The following CALN1 variants were observed in gnomAD, a reference collection of about 807,000 sequenced individuals.
CALN1 encodes the protein calcium-binding protein 8.
In CALN1, 17 loss-of-function variants were observed where a neutral mutation model predicts 30.6. The observed-to-expected ratio is 0.56, with a 90% CI of 0.38 to 0.83. The LOEUF (loss-of-function observed/expected upper bound fraction) is 0.83. CALN1 is among the 40% of genes least tolerant of loss of function. The pLI is 0.00. For missense variants in CALN1, 291 were observed against 354.9 expected (o/e 0.82, Z 1.45); for synonymous variants, 156 against 131.4 (o/e 1.19, Z -1.28).
At chr7:72,042,658 G>A (rs191004429) in intron 4 of CALN1, among the ~76,000 whole-genome samples, 62 of 152,192 alleles carry the variant, frequency 4.1e-4, no homozygotes, top group Non-Finnish European at 6.3e-4. Flanking sequence ...ATTGCTTGAG[G>A]CCAACAGATT....
At chr7:71,957,414 C>T (rs1312666996) in intron 5 of CALN1, among the ~76,000 whole-genome samples, 2 of 152,174 alleles carry the variant, frequency 1.3e-5, no homozygotes, top group Non-Finnish European at 2.9e-5. Context: ...CAAAGACACT[C>T]TTTTCGTAGT....
rs147492968 is a variant in CALN1 at position 72,246,816 on chromosome 7, G to A, written c.244+31870C>T. 7.3e-3 allele frequency among the ~76,000 whole-genome samples: 1,049 copies of A among 144,540 alleles called. 16 individuals carry two copies. Among genetic ancestry groups the A allele is most frequent in the African/African-American group, 0.026 (994 of 38,524 alleles). 94.8% of individuals were successfully genotyped at this position (144,540 alleles called of 152,430 possible). The stretch of plus-strand genomic sequence containing the variant: ...CTTGCCCAGACTGGGGTGCTGTGGC[G>A]CAATCTCAGCTCACTGCAACCTCCG... On this transcript the variant is annotated intron_variant, in intron 3 of 6. Coordinates refer to ENST00000395275, the MANE Select transcript of CALN1 (RefSeq NM_031468.4).
chr7:71,819,210 C>CT lies in CALN1; in HGVS notation c.502-8719dup, dbSNP rs113567992. On this transcript the variant is annotated intron_variant, in intron 5 of 6. Coordinates refer to ENST00000395275, the MANE Select transcript of CALN1 (RefSeq NM_031468.4). ...ATAACTAAAAATTTACTATTTTATT[C>CT]TTTTTTTTTTTTTTTGAGACAGGGT... Among the ~76,000 whole-genome samples the CT allele has an allele frequency of 4.6e-3, 632 of 137,440 alleles. 1 individual carries two copies. Among genetic ancestry groups the CT allele is most frequent in the Admixed American group, 0.011 (143 of 13,564 alleles). The allele number at this position is 137,440 out of a possible 152,430, so 90.2% of individuals were successfully genotyped here.
chr7:72,224,200 T>A (rs929114684), intron 3 of CALN1, among the ~76,000 whole-genome samples: 1 of 152,198 alleles, frequency 6.6e-6, no homozygotes, highest in Non-Finnish European at 1.5e-5. Flanking sequence ...AATTATTTTT[T>A]AAATTAAAAA....
At chr7:71,990,424 G>A (rs1005240742) in intron 5 of CALN1, among the ~76,000 whole-genome samples, 3 of 151,792 alleles carry the variant, frequency 2.0e-5, no homozygotes, top group African/African-American at 7.3e-5. Context: ...AGCAGCCCAT[G>A]CCACTGCTCT....
At chr7:72,428,095 C>T (rs1029844301) in intron 1 of CALN1, among the ~76,000 whole-genome samples, 1 of 152,210 alleles carries the variant, frequency 6.6e-6, no homozygotes, top group African/African-American at 2.4e-5. Flanking sequence ...TCCACAGACA[C>T]AGTCGAGACA....
intron 5 of CALN1, among the ~76,000 whole-genome samples, chr7:71,998,794 C>A (rs1472326418): frequency 6.6e-6 from 1 of 151,960 alleles, no homozygotes; most frequent in Non-Finnish European, 1.5e-5. Context: ...TGGACTCAAG[C>A]AATCGCCTGC....
intron 6 of CALN1, among the ~76,000 whole-genome samples, chr7:71,802,557 G>A (rs1787369507): frequency 6.6e-6 from 1 of 152,120 alleles, no homozygotes; most frequent in African/African-American, 2.4e-5. Flanking sequence ...CGAACCCCTG[G>A]GCTCAAGTGA....
intron 3 of CALN1, among the ~76,000 whole-genome samples, chr7:72,243,166 C>T (rs1794950890): frequency 6.6e-6 from 1 of 152,100 alleles, no homozygotes; most frequent in African/African-American, 2.4e-5. Context: ...GGAGGAGCCC[C>T]CGTGATGGTA....
chr7:72,058,458 C>T lies in CALN1; in HGVS notation c.389-34689G>A, dbSNP rs547804222. On this transcript the variant is annotated intron_variant, in intron 4 of 6. Coordinates refer to ENST00000395275, the MANE Select transcript of CALN1 (RefSeq NM_031468.4). ...TCAGCCTCCCAAGTAGCTGGGATTA[C>T]AGGTGCCCACCACCACACTCAGCTA... Among the ~76,000 whole-genome samples, 13 of 151,930 alleles carry T rather than the reference C, an allele frequency of 8.6e-5. No individual in the cohort carries two copies. In the South Asian group the frequency reaches 2.7e-3, roughly 32 times the overall value.
intron 3 of CALN1, among the ~76,000 whole-genome samples, chr7:72,131,266 C>A (rs754191812): frequency 1.3e-5 from 2 of 152,088 alleles, no homozygotes; most frequent in Non-Finnish European, 2.9e-5. Flanking sequence ...CGGGGATGTA[C>A]AAGATCCTTA....
intron 6 of CALN1, among the ~76,000 whole-genome samples, chr7:71,808,354 G>GT (rs1787742663): frequency 6.6e-6 from 1 of 151,052 alleles, no homozygotes; most frequent in Non-Finnish European, 1.5e-5. Flanking sequence ...AACCATTATG[G>GT]TAATAATTAT....
At chr7:72,185,618 G>C (rs1329384778) in intron 3 of CALN1, among the ~76,000 whole-genome samples, 2 of 152,162 alleles carry the variant, frequency 1.3e-5, no homozygotes, top group Non-Finnish European at 2.9e-5. Context: ...GTTTAGCTCT[G>C]TGTCCCCACC....
chr7:71,794,936 T>A (rs994591867), intron 6 of CALN1, among the ~76,000 whole-genome samples: 20 of 152,250 alleles, frequency 1.3e-4, no homozygotes, highest in Admixed American at 3.3e-4. Flanking sequence ...TGTTCCAGCC[T>A]TGGCCACTTC....
chr7:72,354,117 G>C (rs949829717), intron 2 of CALN1, among the ~76,000 whole-genome samples: 1 of 152,140 alleles, frequency 6.6e-6, no homozygotes, highest in Admixed American at 6.5e-5. Flanking sequence ...AACCCAAGAG[G>C]GGGAGGTTGC....
At chr7:71,845,111 T>C (rs1406204067) in intron 5 of CALN1, among the ~76,000 whole-genome samples, 2 of 152,148 alleles carry the variant, frequency 1.3e-5, no homozygotes, top group Non-Finnish European at 2.9e-5. Flanking sequence ...CTCGAACTCC[T>C]GACCTCAAGC....
chr7:72,298,328 C>A (rs902323984), intron 2 of CALN1, among the ~76,000 whole-genome samples: 2 of 152,220 alleles, frequency 1.3e-5, no homozygotes, highest in Non-Finnish European at 2.9e-5. Context: ...CTGCAGCCAT[C>A]TTCCATCTCA....
intron 4 of CALN1, among the ~76,000 whole-genome samples, chr7:72,047,929 G>T (rs1304458572): frequency 6.6e-6 from 1 of 152,124 alleles, no homozygotes; most frequent in East Asian, 1.9e-4. Context: ...ATATTGTCTG[G>T]GACAGTGGTC....
At chr7:72,219,747 C>T (rs1793135140) in intron 3 of CALN1, among the ~76,000 whole-genome samples, 1 of 152,096 alleles carries the variant, frequency 6.6e-6, no homozygotes, top group African/African-American at 2.4e-5. Context: ...CACGCACACA[C>T]ACACACAGAG....
Sources: gnomAD v4.1 joint callset for allele counts (sites outside exome capture counted in the v4.1 genomes callset) on GRCh38, gnomAD v4.1.1 for gene constraint, MANE v1.5 for transcripts, NCBI Gene and HGNC (gene_info 2026-07-23, HGNC 2026-07-21) for gene names.